Variants in THRAP3 observed in about 807,000 individuals in gnomAD.
THRAP3 encodes thyroid hormone receptor-associated protein 3.
Under a neutral mutation model 101.0 loss-of-function variants are expected in THRAP3, and 16 were observed. That is an observed-to-expected ratio of 0.16 (90% CI 0.11 to 0.24). THRAP3 has a LOEUF of 0.24. Among genes scored for constraint, THRAP3 ranks in the 10% least tolerant of loss-of-function variants. THRAP3 has a pLI of 1.00. For missense variants in THRAP3, 989 were observed against 1,202.7 expected (o/e 0.82, Z 2.63); for synonymous variants, 407 against 422.6 (o/e 0.96, Z 0.45).
At chr1:36,248,576 G>A (rs969145948) in intron 1 of THRAP3, among the ~76,000 whole-genome samples, 30 of 151,548 alleles carry the variant, frequency 2.0e-4, no homozygotes, top group African/African-American at 6.8e-4. Flanking sequence ...GAGTAGCTAG[G>A]ACTACAGGCA....
At position 36,270,571 on chromosome 1, in the gene THRAP3, G is replaced by GGTTTTTTTTTTTTTTTTTTTT. The variant is rs1553121666; in HGVS notation, c.-32+11087_-32+11088insGTTTTTTTTTTTTTTTTTTTT. Among the ~76,000 whole-genome samples, 116 of 31,868 alleles carry GGTTTTTTTTTTTTTTTTTTTT rather than the reference G, an allele frequency of 3.6e-3. 5 individuals carry two copies. The highest frequency in any genetic ancestry group is 7.5e-3 in the African/African-American group (107 of 14,176). The allele number at this position is 31,868 out of a possible 152,430, so 20.9% of individuals were successfully genotyped here. The stretch of plus-strand genomic sequence containing the variant: ...TAAAAATACAGTTCTATTTGTTTAG[G>GGTTTTTTTTTTTTTTTTTTTT]TTTTTGTTTTTTTTTTTTTTTTTGA... On this transcript the variant is annotated intron_variant, in intron 2 of 11. Transcript: ENST00000354618.
intron 2 of THRAP3, among the ~76,000 whole-genome samples, chr1:36,263,217 G>A (rs543814107): frequency 1.1e-4 from 16 of 151,840 alleles, no homozygotes; most frequent in African/African-American, 3.6e-4. Flanking sequence ...CTCCTGCTTC[G>A]GCCTCCTGAG....
rs184656920 is a variant in THRAP3, at chr1:36,254,796, A to G, written c.-134-4586A>G. On this transcript the variant is annotated intron_variant, in intron 1 of 11. Transcript: ENST00000354618. ...TGAAGTATTTTTTTGATAAAAAAAA[A>G]TTTTTTAAAACAGAAACCATTCTTA... Among the ~76,000 whole-genome samples the G allele has an allele frequency of 1.2e-3, 189 of 152,284 alleles. 1 individual carries two copies. Among genetic ancestry groups the G allele is most frequent in the African/African-American group, 4.0e-3 (167 of 41,556 alleles).
chr1:36,240,790 T>C (rs1287221753), intron 1 of THRAP3, among the ~76,000 whole-genome samples: 2 of 152,222 alleles, frequency 1.3e-5, no homozygotes, highest in Non-Finnish European at 2.9e-5. Flanking sequence ...CCTGCACCGC[T>C]TCAAAAATTA....
chr1:36,224,940 T>TA (rs1460837658), intron 1 of THRAP3: 1 of 152,330 alleles, frequency 6.6e-6, no homozygotes, highest in East Asian at 1.9e-4. Context: ...TGCCACTCAG[T>TA]AAATGTTAGT....
At chr1:36,300,585 A>C (rs1391653254) in intron 9 of THRAP3, among the ~76,000 whole-genome samples, 1 of 152,192 alleles carries the variant, frequency 6.6e-6, no homozygotes, top group African/African-American at 2.4e-5. Flanking sequence ...TTATTAATTC[A>C]TGCCTGTATC....
chr1:36,246,267 A>G (rs1257971242), intron 1 of THRAP3, among the ~76,000 whole-genome samples: 2 of 152,162 alleles, frequency 1.3e-5, no homozygotes, highest in Admixed American at 1.3e-4. Flanking sequence ...TGTATAGAGT[A>G]AGACCTTGTC....
chr1:36,270,666 C>G (rs1292020876), intron 2 of THRAP3, among the ~76,000 whole-genome samples: 1 of 149,278 alleles, frequency 6.7e-6, no homozygotes, highest in Non-Finnish European at 1.5e-5. Context: ...CAACCTCTGC[C>G]TCCTGGGCTC....
At chr1:36,255,250 C>G (rs577217078) in intron 1 of THRAP3, among the ~76,000 whole-genome samples, 3 of 152,204 alleles carry the variant, frequency 2.0e-5, no homozygotes, top group Admixed American at 6.5e-5. Flanking sequence ...TTGCTTGTTA[C>G]GCCTGGTGGT....
rs141044799 is a variant in THRAP3 at position 36,303,838 on chromosome 1, C to T, written c.2689C>T (p.Arg897Trp). 1.0e-4 allele frequency: 165 copies of T among 1,613,956 alleles called. No individual in the cohort carries two copies. Among genetic ancestry groups the T allele is most frequent in the Non-Finnish European group, 1.3e-4 (154 of 1,180,016 alleles). ...EGEGSDKWVS[R>W]GRGRGAFPRG... ...CGAAGGCAGTGACAAGTGGGTGAGC[C>T]GGGGCCGGGGCCGAGGAGCCTTTCC... Residue 897 changes from arginine (R) to tryptophan (W), a missense_variant, in exon 12 of 12, where the codon CGG becomes TGG. Physicochemically the swap from Arg to Trp is moderately radical, Grantham distance 101. Coordinates refer to ENST00000354618, the MANE Select transcript of THRAP3 (RefSeq NM_005119.4).
intron 8 of THRAP3, 116 bp from the exon 9 acceptor site, chr1:36,296,467 C>T: frequency 2.5e-6 from 2 of 789,180 alleles, no homozygotes; most frequent in Non-Finnish European, 4.0e-6. Flanking sequence ...AGATGCCTCA[C>T]ATTTCCCAGT....
intron 1 of THRAP3, among the ~76,000 whole-genome samples, chr1:36,238,244 T>G (rs979882066): frequency 6.6e-6 from 1 of 152,152 alleles, no homozygotes; most frequent in African/African-American, 2.4e-5. Flanking sequence ...GCTAGGATTA[T>G]ATGGGTAAAA....
intron 2 of THRAP3, among the ~76,000 whole-genome samples, chr1:36,280,993 T>C (rs1215422796): frequency 6.6e-6 from 1 of 151,684 alleles, no homozygotes; most frequent in Non-Finnish European, 1.5e-5. Context: ...TGGCGCGATC[T>C]TGGCTCGCTG....
chr1:36,288,536 T>A, intron 4 of THRAP3: 1 of 985,480 alleles, frequency 1.0e-6, no homozygotes, highest in Non-Finnish European at 1.2e-6. Flanking sequence ...TTTGTTTTTA[T>A]TTGTGTTCAC....
chr1:36,209,645 A>G, the THRAP3 span, among the ~76,000 whole-genome samples: 2 of 152,186 alleles, frequency 1.3e-5, no homozygotes, highest in Admixed American at 6.5e-5. Context: ...CTTGGAGGAG[A>G]TAGATCAGTG....
intron 2 of THRAP3, among the ~76,000 whole-genome samples, chr1:36,260,850 TTATAA>T (rs1322855516): frequency 2.0e-5 from 3 of 150,734 alleles, no homozygotes; most frequent in Non-Finnish European, 4.4e-5. Flanking sequence ...GGCACTCTGG[TTATAA>T]TATAATTTTA....
chr1:36,301,577 T>C lies in THRAP3; in HGVS notation c.2527T>C (p.Trp843Arg), dbSNP rs1646031006. Residue 843 changes from tryptophan (W) to arginine (R), a missense_variant, in exon 11 of 12, where the codon TGG (tryptophan) becomes CGG (arginine). Transcript: ENST00000354618. ...GCAGTTTCGAGCCAGAGGAAGAGGC[T>C]GGGGCAGAGGCAACTACTCTGGGAA... Reference protein sequence around the residue: ...TFQFRARGRGWGRGNYSGNNN... With the variant: ...TFQFRARGRGRGRGNYSGNNN... The C allele has an allele frequency of 6.2e-7, 1 of 1,614,060 alleles. No individual in the cohort carries two copies. The highest frequency in any genetic ancestry group is 2.2e-5 in the East Asian group (1 of 44,888).
the THRAP3 span, among the ~76,000 whole-genome samples, chr1:36,210,726 T>TCATATATATATATG: frequency 5.4e-4 from 1 of 1,848 alleles, no homozygotes; most frequent in African/African-American, 1.1e-3. Flanking sequence ...TATATATATA[T>TCATATATATATATG]ATATATATAT....
chr1:36,303,905 G>T lies in THRAP3; in HGVS notation c.2756G>T (p.Ser919Ile). The T allele has an allele frequency of 6.2e-7, 1 of 1,613,770 alleles. No homozygotes were observed. Among genetic ancestry groups the T allele is most frequent in the Non-Finnish European group, 8.5e-7 (1 of 1,179,884 alleles). The change falls in exon 12 of 12, where the codon AGC becomes ATC. Residue 919 changes from serine to isoleucine, a missense_variant. Physicochemically the swap from Ser to Ile is moderately radical, Grantham distance 142 (BLOSUM62 -2). Coordinates refer to ENST00000354618, the MANE Select transcript of THRAP3 (RefSeq NM_005119.4). ...GRFMFRKSST[S>I]PKWAHDKFSG... ...TTCATGTTCCGGAAATCAAGTACCA[G>T]CCCCAAGTGGGCCCATGACAAGTTC...
Sources: gnomAD v4.1 joint callset for allele counts (sites outside exome capture counted in the v4.1 genomes callset) on GRCh38, gnomAD v4.1.1 for gene constraint, MANE v1.5 for transcripts, NCBI Gene and HGNC (gene_info 2026-07-23, HGNC 2026-07-21) for gene names.